Variants in CENPC observed in about 807,000 individuals in gnomAD.
CENPC encodes the protein centromere protein C.
A neutral mutation model predicts 112.1 loss-of-function variants in CENPC; 63 were observed. The ratio of observed to expected loss-of-function variants is 0.56; its 90% CI spans 0.46 to 0.69. CENPC has a LOEUF of 0.69. CENPC is among the 30% of genes least tolerant of loss of function. The probability of loss-of-function intolerance (pLI) is 0.00; values close to 1 mark genes in which losing one functional copy is unlikely to be tolerated. For missense variants in CENPC, 1,000 were observed against 1,103.8 expected, an observed-to-expected ratio of 0.91 and a Z score of 1.33; for synonymous variants, 333 against 367.6, an observed-to-expected ratio of 0.91 and a Z score of 1.08.
chr4:67,479,218 T>G (rs755223110), intron 17 of CENPC, among the ~76,000 whole-genome samples: 6 of 152,146 alleles, frequency 3.9e-5, no homozygotes, highest in Non-Finnish European at 5.9e-5. Flanking sequence ...CTGGAACAAA[T>G]GGACTTAATA....
chr4:67,509,127 T>A (rs1224393641), intron 9 of CENPC, 22 bp from the exon 10 acceptor site: 2 of 1,568,520 alleles, frequency 1.3e-6, no homozygotes, highest in Middle Eastern at 3.4e-4. Flanking sequence ...AATGATAACC[T>A]AAAGTTAGTA....
At chr4:67,540,296 TTAAACAGATATGTA>T (rs1413354710) in intron 3 of CENPC, among the ~76,000 whole-genome samples, 5 of 152,220 alleles carry the variant, frequency 3.3e-5, no homozygotes, top group African/African-American at 1.2e-4. Flanking sequence ...TATGACTTCC[TTAAACAGATATGTA>T]AATCACCAAA....
chr4:67,501,872 C>T (rs1285476998), intron 12 of CENPC, among the ~76,000 whole-genome samples: 1 of 151,986 alleles, frequency 6.6e-6, no homozygotes, highest in Non-Finnish European at 1.5e-5. Flanking sequence ...AAAATGTGGA[C>T]AATTGTGAAA....
At chr4:67,493,263 T>TAAA in intron 14 of CENPC, 2 of 153,138 alleles carry the variant, frequency 1.3e-5, no homozygotes, top group Non-Finnish European at 2.7e-5. Context: ...TGGAGGCTTT[T>TAAA]AAAAAAAAAA....
At chr4:67,543,894 T>C (rs962491072) in intron 2 of CENPC, among the ~76,000 whole-genome samples, 5 of 152,218 alleles carry the variant, frequency 3.3e-5, no homozygotes, top group African/African-American at 9.7e-5. Context: ...GCTTTTCCCA[T>C]GGCAGTCACT....
At chr4:67,507,014 C>A (rs1361338710) in intron 10 of CENPC, 80 bp from the exon 11 acceptor site, 2 of 1,004,030 alleles carry the variant, frequency 2.0e-6, no homozygotes, top group African/African-American at 1.6e-5. Context: ...CAGGTGGGTA[C>A]AAAGACAATG....
intron 5 of CENPC, among the ~76,000 whole-genome samples, chr4:67,520,610 A>G (rs1577997443): frequency 6.6e-6 from 1 of 152,178 alleles, no homozygotes; most frequent in East Asian, 1.9e-4. Context: ...CCCAGACAGC[A>G]CCAACAGGAA....
At chr4:67,530,371 A>T (rs544025167) in intron 5 of CENPC, among the ~76,000 whole-genome samples, 2 of 152,290 alleles carry the variant, frequency 1.3e-5, no homozygotes, top group East Asian at 1.9e-4. Context: ...AAAGGAAATT[A>T]TAATAGCCTT....
At chr4:67,518,473 C>T in intron 6 of CENPC, 105 bp from the exon 7 acceptor site, 1 of 1,151,084 alleles carries the variant, frequency 8.7e-7, no homozygotes, top group Non-Finnish European at 1.1e-6. Context: ...ATTTAAAATT[C>T]TGTACTAGGC....
At chr4:67,513,037 TG>T (rs1476561099) in intron 8 of CENPC, among the ~76,000 whole-genome samples, 1 of 152,160 alleles carries the variant, frequency 6.6e-6, no homozygotes, top group African/African-American at 2.4e-5. Context: ...TTAAAAGCTG[TG>T]GTCAGAGAGA....
intron 7 of CENPC, among the ~76,000 whole-genome samples, chr4:67,515,046 A>C (rs550362982): frequency 6.6e-6 from 1 of 151,402 alleles, no homozygotes; most frequent in African/African-American, 2.4e-5. Context: ...ATAATCTTAT[A>C]TTAAATTATA....
chr4:67,539,680 T>G (rs929752965), intron 4 of CENPC, among the ~76,000 whole-genome samples, 160 bp downstream of exon 4: 2 of 152,172 alleles, frequency 1.3e-5, no homozygotes, highest in African/African-American at 4.8e-5. Flanking sequence ...CAAATAAAAC[T>G]TTTCACAAAA....
At chr4:67,497,585 TG>T (rs1725472184) in intron 12 of CENPC, among the ~76,000 whole-genome samples, 1 of 152,134 alleles carries the variant, frequency 6.6e-6, no homozygotes, top group Non-Finnish European at 1.5e-5. Flanking sequence ...CAGGCTGCAG[TG>T]CAGTGGTGGG....
rs58687245 is a variant in CENPC, at chr4:67,491,446, CATATATATATATATATAT to C, written c.2515+716_2515+733del. Among the ~76,000 whole-genome samples the C allele has an allele frequency of 6.1e-3, 224 of 36,552 alleles. 2 individuals carry two copies. Among genetic ancestry groups the C allele is most frequent in the African/African-American group, 0.012 (114 of 9,382 alleles). The allele number at this position is 36,552 out of a possible 152,430, so 24.0% of individuals were successfully genotyped here. ...CAGTTGTTAATATATTTAAATATTT[CATATATATATATATATAT>C]ATATATATATATATATAGAGAGAGA... On this transcript the variant is annotated intron_variant, in intron 16 of 18. Transcript: ENST00000273853.
At chr4:67,525,161 T>G (rs1041975157) in intron 5 of CENPC, among the ~76,000 whole-genome samples, 1 of 152,168 alleles carries the variant, frequency 6.6e-6, no homozygotes, top group Admixed American at 6.5e-5. Flanking sequence ...CCTTACACCT[T>G]ATACAAAAAT....
intron 5 of CENPC, among the ~76,000 whole-genome samples, chr4:67,520,919 T>C (rs1253599980): frequency 6.6e-6 from 1 of 151,746 alleles, no homozygotes; most frequent in Non-Finnish European, 1.5e-5. Context: ...GGCTGAAGCA[T>C]GAGAATCACT....
At chr4:67,495,733 C>T (rs1725414354) in intron 12 of CENPC, among the ~76,000 whole-genome samples, 1 of 152,134 alleles carries the variant, frequency 6.6e-6, no homozygotes, top group Admixed American at 6.5e-5. Context: ...AATGTAGGGC[C>T]TGATAATGGA....
intron 17 of CENPC, among the ~76,000 whole-genome samples, chr4:67,484,418 G>A (rs1725033038): frequency 6.6e-6 from 1 of 152,226 alleles, no homozygotes; most frequent in Non-Finnish European, 1.5e-5. Context: ...GACCGCTACT[G>A]GCAGTGGCCT....
Position 67,475,771 on chromosome 4 carries a change from T to C in CENPC, c.2671-793A>G, listed in dbSNP as rs571541285. Among the ~76,000 whole-genome samples the C allele has an allele frequency of 7.2e-5, 11 of 152,282 alleles. 1 individual carries two copies. The East Asian group carries it at 1.9e-3, about 27-fold the overall frequency. ...CCGCCATCGCGCCTGGCTAATTTTTTTTTGTATTTTTAGTAGAGACGGGGT... is the reference window on the plus strand; with the variant it reads ...CCGCCATCGCGCCTGGCTAATTTTTCTTTGTATTTTTAGTAGAGACGGGGT... On this transcript the variant is annotated intron_variant, in intron 17 of 18. Transcript: ENST00000273853.
Sources: allele counts gnomAD v4.1 joint callset (sites outside exome capture counted in the v4.1 genomes callset), GRCh38; gene constraint gnomAD v4.1.1; transcripts MANE v1.5; gene names NCBI Gene and HGNC (gene_info 2026-07-23, HGNC 2026-07-21).